The following SCG5 variants were observed in gnomAD, a reference collection of about 807,000 sequenced individuals.
The protein encoded by SCG5 is neuroendocrine protein 7B2.
SCG5 carries 18 observed loss-of-function variants against 25.7 expected under a neutral mutation model. The ratio of observed to expected loss-of-function variants is 0.70; its 90% CI spans 0.48 to 1.04. SCG5 has a LOEUF of 1.04. Among genes scored for constraint, SCG5 ranks in the 50% least tolerant of loss-of-function variants. SCG5 has a pLI of 0.00. For synonymous variants in SCG5, 101 were observed against 91.7 expected (o/e 1.10, Z -0.58); for missense variants, 206 against 259.8 (o/e 0.79, Z 1.42).
intron 2 of SCG5, among the ~76,000 whole-genome samples, chr15:32,678,982 A>G (rs2054571452): frequency 1.3e-5 from 2 of 152,246 alleles, no homozygotes; most frequent in Admixed American, 6.5e-5. Context: ...CTAAAATAGC[A>G]GGATAACAGT....
intron 1 of SCG5, 74 bp from the exon 2 acceptor site, chr15:32,643,512 T>G: frequency 8.3e-7 from 1 of 1,202,786 alleles, no homozygotes; most frequent in Non-Finnish European, 1.2e-6. Flanking sequence ...CCTGGAGTGG[T>G]TGCATCATTA....
intron 2 of SCG5, among the ~76,000 whole-genome samples, chr15:32,674,260 C>G (rs2054493363): frequency 6.6e-6 from 1 of 152,236 alleles, no homozygotes; most frequent in South Asian, 2.1e-4. Context: ...CATGAAACAG[C>G]ACGTTCTCTC....
chr15:32,648,569 C>T (rs774534067), intron 2 of SCG5, among the ~76,000 whole-genome samples: 1 of 152,094 alleles, frequency 6.6e-6, no homozygotes, highest in Non-Finnish European at 1.5e-5. Context: ...ATCGTACTCC[C>T]TACTTTGTTC....
intron 1 of SCG5, 75 bp from the exon 2 acceptor site, chr15:32,643,511 G>A: frequency 8.3e-7 from 1 of 1,197,818 alleles, no homozygotes; most frequent in Non-Finnish European, 1.2e-6. Context: ...ACCTGGAGTG[G>A]TTGCATCATT....
intron 3 of SCG5, among the ~76,000 whole-genome samples, chr15:32,684,030 G>A (rs375641712): frequency 5.9e-5 from 9 of 152,242 alleles, no homozygotes; most frequent in Admixed American, 1.3e-4. Flanking sequence ...CCAGAGGCGC[G>A]TGAGGCTGTA....
At chr15:32,691,961 C>A in intron 5 of SCG5, 198 bp downstream of exon 5, 1 of 1,433,426 alleles carries the variant, frequency 7.0e-7, no homozygotes, top group Non-Finnish European at 9.1e-7. Flanking sequence ...CAGGCTTTAG[C>A]AGATGATTTT....
chr15:32,696,575 C>T lies in SCG5; in HGVS notation c.605C>T (p.Pro202Leu). 6.2e-7 allele frequency: 1 copy of T among 1,612,892 alleles called. No homozygotes were observed. Among genetic ancestry groups the T allele is most frequent in the African/African-American group, 1.3e-5 (1 of 75,008 alleles). Residue 202 changes from proline to leucine, a missense_variant, in exon 6 of 6, where the codon CCC becomes CTC. Coordinates refer to ENST00000300175, the MANE Select transcript of SCG5 (RefSeq NM_001144757.3). ...AATGTTGTTGCAAAGAAGTCTGTCC[C>T]CCATTTTTCAGATGAGGATAAGGAT... ...LDNVVAKKSVPHFSDEDKDPE is the reference protein window; with the variant it reads ...LDNVVAKKSVLHFSDEDKDPE
chr15:32,657,213 G>A (rs8041162), intron 2 of SCG5, among the ~76,000 whole-genome samples: 1,526 of 14,494 alleles, frequency 0.11, 12 homozygotes, highest in Non-Finnish European at 0.17. Flanking sequence ...ATATATATAT[G>A]TATGTATTTC....
chr15:32,675,931 A>G (rs975550239), intron 2 of SCG5, among the ~76,000 whole-genome samples: 18 of 152,314 alleles, frequency 1.2e-4, no homozygotes, highest in African/African-American at 4.3e-4. Context: ...GTGCAGTAAG[A>G]TAGTTAAGGA....
chr15:32,665,989 A>C (rs1567077913), intron 2 of SCG5: 2 of 152,230 alleles, frequency 1.3e-5, no homozygotes, highest in East Asian at 3.8e-4. Flanking sequence ...AAAATTTTTA[A>C]GTTTTCCTTT....
At chr15:32,691,944 G>A in intron 5 of SCG5, 181 bp downstream of exon 5, 1 of 1,443,702 alleles carries the variant, frequency 6.9e-7, no homozygotes. Flanking sequence ...TTCTGCGATG[G>A]CTTCCCCAGG....
intron 2 of SCG5, among the ~76,000 whole-genome samples, chr15:32,675,094 A>G (rs1426884124): frequency 1.3e-5 from 2 of 152,214 alleles, no homozygotes; most frequent in Non-Finnish European, 2.9e-5. Context: ...ATATAAACGC[A>G]ACTGGGCTTA....
intron 4 of SCG5, 78 bp downstream of exon 4, chr15:32,684,747 G>A: frequency 1.2e-6 from 1 of 835,546 alleles, no homozygotes; most frequent in Non-Finnish European, 1.9e-6. Context: ...GAGCAATATG[G>A]GCAGAAGGAG....
chr15:32,689,302 C>A (rs1458524702), intron 4 of SCG5, among the ~76,000 whole-genome samples: 1 of 152,120 alleles, frequency 6.6e-6, no homozygotes, highest in Non-Finnish European at 1.5e-5. Context: ...TAAATTTGGC[C>A]AGTGCGAGTC....
chr15:32,642,124 G>A (rs936730694), intron 1 of SCG5, among the ~76,000 whole-genome samples: 5 of 152,058 alleles, frequency 3.3e-5, no homozygotes, highest in African/African-American at 1.2e-4. Flanking sequence ...TGGAGAGCAA[G>A]GTTTTATATC....
chr15:32,680,629 T>C (rs1005390181), intron 3 of SCG5, among the ~76,000 whole-genome samples: 1 of 152,196 alleles, frequency 6.6e-6, no homozygotes, highest in Admixed American at 6.5e-5. Context: ...TTCTCCTCGT[T>C]GATCATGACA....
In SCG5 at chr15:32,684,688, G is replaced by T. The variant is rs1418960079; in HGVS notation, c.489+19G>T. The T allele has an allele frequency of 7.0e-6, 11 of 1,561,374 alleles. No individual in the cohort carries two copies. The highest frequency in any genetic ancestry group is 8.8e-6 in the Non-Finnish European group (10 of 1,134,488). ...CAAGTGGGTAAGTCCTATCTCAATT[G>T]TTAGTAGATTTTGCACTTTGGTACT... is the stretch of plus-strand genomic sequence containing the variant. On this transcript the variant is annotated intron_variant, in intron 4 of 5. Coordinates refer to ENST00000300175, the MANE Select transcript of SCG5 (RefSeq NM_001144757.3).
chr15:32,676,596 A>G (rs1226898365), intron 2 of SCG5, among the ~76,000 whole-genome samples: 1 of 152,222 alleles, frequency 6.6e-6, no homozygotes. Flanking sequence ...CTTTGCATCT[A>G]TTGGGTTAAT....
intron 4 of SCG5, among the ~76,000 whole-genome samples, chr15:32,690,869 C>T (rs954079336): frequency 4.6e-5 from 7 of 150,840 alleles, no homozygotes; most frequent in African/African-American, 9.8e-5. Flanking sequence ...CTCTTTTATA[C>T]ATCATTTTCC....
Sources: gnomAD v4.1 joint callset for allele counts (sites outside exome capture counted in the v4.1 genomes callset) on GRCh38, gnomAD v4.1.1 for gene constraint, MANE v1.5 for transcripts, NCBI Gene and HGNC (gene_info 2026-07-23, HGNC 2026-07-21) for gene names.